The following ACTN1 variants were observed in gnomAD, a reference collection of about 807,000 sequenced individuals.
ACTN1 encodes actinin alpha 1.
In ACTN1, 30 loss-of-function variants were observed where a neutral mutation model predicts 119.6. That is an observed-to-expected ratio of 0.25 (90% confidence interval 0.19 to 0.34). The LOEUF is 0.34. ACTN1 is among the 10% of genes least tolerant of loss of function. The pLI, the probability that ACTN1 is intolerant of heterozygous loss-of-function variation, is 1.00. For synonymous variants in ACTN1, 429 were observed against 472.6 expected, an observed-to-expected ratio of 0.91 and a Z score of 1.20; for missense variants, 764 against 1,223.4, an observed-to-expected ratio of 0.62 and a Z score of 5.60.
chr14:68,941,310 T>A (rs2035755761), intron 1 of ACTN1, among the ~76,000 whole-genome samples: 1 of 152,240 alleles, frequency 6.6e-6, no homozygotes, highest in Non-Finnish European at 1.5e-5. Context: ...GGAGGGCTTG[T>A]TAAAATACAG....
In ACTN1 at chr14:68,877,035, G is replaced by A. The variant is rs200585276; in HGVS notation, c.2586+47C>T. The A allele has an allele frequency of 4.2e-5, 68 of 1,606,122 alleles. No individual in the cohort carries two copies. The African/African-American group carries it at 7.8e-4, about 18-fold the overall frequency. On this transcript the variant is annotated intron_variant, in intron 21 of 21. Transcript: ENST00000394419. ...TCTCACCCCTTTAGATCACAGTCCA[G>A]CCAGTGCCTGCCACCCCAGCACAGT...
intron 1 of ACTN1, 25 bp downstream of exon 1, chr14:68,978,927 G>GGGGGCTGGGGGCTT: frequency 6.7e-7 from 1 of 1,493,570 alleles, no homozygotes; most frequent in Non-Finnish European, 9.1e-7. Flanking sequence ...GCTGGGGGCT[G>GGGGGCTGGGGGCTT]CAGCGGGCGG....
intron 1 of ACTN1, among the ~76,000 whole-genome samples, chr14:68,950,468 A>ATGTG (rs1429743559): frequency 0.013 from 1,129 of 85,286 alleles, 83 homozygotes; most frequent in African/African-American, 0.089. Flanking sequence ...GTGTGTATAT[A>ATGTG]TATATATATA....
chr14:68,899,824 A>G (rs1196248834), intron 8 of ACTN1, among the ~76,000 whole-genome samples: 2 of 152,218 alleles, frequency 1.3e-5, no homozygotes, highest in Non-Finnish European at 2.9e-5. Flanking sequence ...GGAAAAGACC[A>G]TAGCAGAGAG....
In ACTN1 at chr14:68,884,296, G is replaced by C. The variant is rs1375131483; in HGVS notation, c.1507C>G (p.Leu503Val). The C allele has an allele frequency of 6.2e-7, 1 of 1,613,948 alleles. No homozygotes were observed. The highest frequency in any genetic ancestry group is 8.5e-7 in the Non-Finnish European group (1 of 1,179,942). Residue 503 changes from leucine (L) to valine (V), a missense_variant, in exon 14 of 22, where the codon CTG (leucine) becomes GTG (valine). Physicochemically the swap from Leu to Val is conservative, Grantham distance 32 (BLOSUM62 1). Around this residue, in one of 4 missense-constraint regions of ACTN1, gnomAD observed 544 missense variants for 912.0 expected, o/e 0.60. Coordinates refer to ENST00000394419, the MANE Select transcript of ACTN1 (RefSeq NM_001130004.2). ...RREALERTEK[L>V]LETIDQLYLE... is the part of the protein sequence containing the mutation. ...TACAGCTGGTCAATGGTCTCCAGCA[G>C]TTTCTCGGTCCGCTGGGAGTGCCAA...
intron 6 of ACTN1, among the ~76,000 whole-genome samples, chr14:68,906,776 G>A (rs1313412920): frequency 6.6e-6 from 1 of 152,250 alleles, no homozygotes; most frequent in Admixed American, 6.5e-5. Flanking sequence ...GGTTCACTGG[G>A]CTCAGGTGTG....
In ACTN1 at chr14:68,969,273, G is replaced by C. The variant is rs142259525; in HGVS notation, c.105+9679C>G. On this transcript the variant is annotated intron_variant, in intron 1 of 21. Transcript: ENST00000394419. ...CTAATAAGAGGCCTCAGGACTTCAT[G>C]CATGCAAAAACACCTCCATGCAGCC... is the stretch of plus-strand genomic sequence containing the variant. Among the ~76,000 whole-genome samples the C allele has an allele frequency of 3.8e-3, 582 of 152,360 alleles. 3 individuals are homozygous for C. Among genetic ancestry groups the C allele is most frequent in the African/African-American group, 0.013 (559 of 41,566 alleles).
intron 9 of ACTN1, among the ~76,000 whole-genome samples, 191 bp downstream of exon 9, chr14:68,893,464 G>C (rs2032648818): frequency 6.6e-6 from 1 of 152,176 alleles, no homozygotes; most frequent in South Asian, 2.1e-4. Context: ...ATAACTCAGG[G>C]ACTGGCCTCT....
chr14:68,933,325 G>A (rs1418613252), intron 1 of ACTN1, among the ~76,000 whole-genome samples: 3 of 151,768 alleles, frequency 2.0e-5, no homozygotes, highest in Admixed American at 6.6e-5. Flanking sequence ...TAGTAGAGAC[G>A]GGGTTTCACC....
chr14:68,966,400 G>A (rs1230986134), intron 1 of ACTN1, among the ~76,000 whole-genome samples: 2 of 152,062 alleles, frequency 1.3e-5, no homozygotes, highest in Non-Finnish European at 1.5e-5. Flanking sequence ...CCAATTTCTC[G>A]GTTTATAGGT....
At chr14:68,888,705 G>A (rs932539335) in intron 11 of ACTN1, among the ~76,000 whole-genome samples, 6 of 152,130 alleles carry the variant, frequency 3.9e-5, no homozygotes, top group African/African-American at 7.2e-5. Flanking sequence ...CCTGAGCTCC[G>A]CCTCCTGTTG....
intron 8 of ACTN1, among the ~76,000 whole-genome samples, chr14:68,899,054 CCACA>C (rs778196115): frequency 2.1e-5 from 3 of 142,736 alleles, no homozygotes; most frequent in East Asian, 2.1e-4. Flanking sequence ...ACACCTCACA[CCACA>C]CACACCTCAC....
intron 1 of ACTN1, among the ~76,000 whole-genome samples, chr14:68,938,827 G>A (rs1340159564): frequency 1.3e-5 from 2 of 152,232 alleles, no homozygotes; most frequent in South Asian, 2.1e-4. Flanking sequence ...CATTCACAGA[G>A]CAAGAAAGAA....
At chr14:68,904,596 TA>T in intron 7 of ACTN1, 58 bp downstream of exon 7, 1 of 1,535,196 alleles carries the variant, frequency 6.5e-7, no homozygotes, top group Non-Finnish European at 9.0e-7. Flanking sequence ...CACCCCTTCT[TA>T]GCCGCTGAGT....
intron 1 of ACTN1, among the ~76,000 whole-genome samples, chr14:68,942,931 C>G (rs2035811548): frequency 6.6e-6 from 1 of 152,080 alleles, no homozygotes; most frequent in Non-Finnish European, 1.5e-5. Flanking sequence ...CTTGCATGGC[C>G]CCGAGATGAC....
intron 11 of ACTN1, among the ~76,000 whole-genome samples, chr14:68,888,468 C>T (rs534469876): frequency 9.8e-5 from 15 of 152,308 alleles, no homozygotes; most frequent in Non-Finnish European, 1.5e-4. Context: ...ACTCCATACA[C>T]GCACAGTGGA....
intron 1 of ACTN1, among the ~76,000 whole-genome samples, chr14:68,972,237 C>T (rs1287734371): frequency 6.6e-6 from 1 of 152,118 alleles, no homozygotes; most frequent in Non-Finnish European, 1.5e-5. Flanking sequence ...AGGAAAGAGC[C>T]ACATCCTTCA....
In ACTN1 at chr14:68,943,085, T is replaced by C. The variant is rs560475169; in HGVS notation, c.106-17413A>G. On this transcript the variant is annotated intron_variant, in intron 1 of 21. Transcript: ENST00000394419. ...AAACCCTCACCCAGGCCCAGGACAATGTGACCCAGTGCCATCACTGCCTTC... is the reference window on the plus strand; with the variant it reads ...AAACCCTCACCCAGGCCCAGGACAACGTGACCCAGTGCCATCACTGCCTTC... Among the ~76,000 whole-genome samples the C allele has an allele frequency of 2.6e-5, 4 of 152,166 alleles. No homozygotes were observed. In the South Asian group the frequency reaches 8.3e-4, roughly 32 times the overall value.
At chr14:68,889,431 C>T (rs2032299447) in intron 11 of ACTN1, among the ~76,000 whole-genome samples, 2 of 152,230 alleles carry the variant, frequency 1.3e-5, no homozygotes, top group African/African-American at 4.8e-5. Context: ...CCATAAAACT[C>T]ATGTCAACCC....
Sources: allele counts gnomAD v4.1 joint callset (sites outside exome capture counted in the v4.1 genomes callset), GRCh38; gene constraint gnomAD v4.1.1; regional missense constraint gnomAD v4.1.1; transcripts MANE v1.5; gene names NCBI Gene and HGNC (gene_info 2026-07-23, HGNC 2026-07-21).